Variants in ARIH2 observed in about 807,000 individuals in gnomAD.
The protein encoded by ARIH2 is E3 ubiquitin-protein ligase ARIH2.
Under a neutral mutation model 79.8 loss-of-function variants are expected in ARIH2, and 12 were observed. The observed-to-expected ratio is 0.15, with a 90% CI of 0.10 to 0.24. The LOEUF is 0.24. Among genes scored for constraint, ARIH2 ranks in the 10% least tolerant of loss-of-function variants. The pLI is 1.00. For missense variants in ARIH2, 301 were observed against 618.3 expected (o/e 0.49, Z 5.44); for synonymous variants, 224 against 213.9 (o/e 1.05, Z -0.41).
At chr3:48,919,491 G>A in intron 1 of ARIH2, 1 of 232,980 alleles carries the variant, frequency 4.3e-6, no homozygotes, top group Non-Finnish European at 8.3e-6. Flanking sequence ...GCCAGAAGCT[G>A]GTTGGGCAGC....
intron 3 of ARIH2, among the ~76,000 whole-genome samples, chr3:48,956,163 G>T (rs1438652273): frequency 2.0e-5 from 3 of 151,002 alleles, no homozygotes; most frequent in Non-Finnish European, 4.4e-5. Flanking sequence ...TTTTGAGACG[G>T]AGTCTCACTC....
rs779045756 is a variant in ARIH2 at position 48,927,546 on chromosome 3, G to T, written c.-13G>T. The T allele has an allele frequency of 2.5e-6, 4 of 1,611,166 alleles. No homozygotes were observed. The highest frequency in any genetic ancestry group is 3.4e-6 in the Non-Finnish European group (4 of 1,178,782). Reference sequence around the variant, plus strand: ...AACTGCTTTCCTGATCTGCAACTTGGCTGGATGCTAAGATGTCAGTGGACA... The same window carrying T: ...AACTGCTTTCCTGATCTGCAACTTGTCTGGATGCTAAGATGTCAGTGGACA... On this transcript the variant is annotated 5_prime_UTR_variant, in exon 3 of 16. Coordinates refer to ENST00000356401, the MANE Select transcript of ARIH2 (RefSeq NM_006321.4).
At chr3:48,926,938 C>T (rs1226876058) in intron 2 of ARIH2, 1 of 152,614 alleles carries the variant, frequency 6.6e-6, no homozygotes, top group Admixed American at 6.5e-5. Flanking sequence ...TTTTCTTTAC[C>T]AACTATGCAC....
intron 8 of ARIH2, among the ~76,000 whole-genome samples, chr3:48,972,465 G>A (rs2092290159): frequency 6.6e-6 from 1 of 152,072 alleles, no homozygotes; most frequent in Non-Finnish European, 1.5e-5. Context: ...CCAACATGGT[G>A]AAATCATGTC....
At position 48,983,184 on chromosome 3, in the gene ARIH2, G is replaced by T. The variant is rs1009227590; in HGVS notation, c.1411-15G>T. 1.2e-6 allele frequency: 2 copies of T among 1,614,246 alleles called. No homozygotes were observed. Among genetic ancestry groups the T allele is most frequent in the African/African-American group, 2.7e-5 (2 of 75,068 alleles). On this transcript the variant is annotated splice_polypyrimidine_tract_variant and intron_variant, in intron 15 of 15. Transcript: ENST00000356401. ...CCTGGGCCATGCAAGCACACACCTT[G>T]TTTCTCTGATGCAGGACTTGGAGAA... is the stretch of plus-strand genomic sequence containing the variant.
Position 48,918,859 on chromosome 3 carries a change from T to A in ARIH2, c.-301T>A. The A allele has an allele frequency of 1.2e-6, 2 of 1,610,886 alleles. No homozygotes were observed. Among genetic ancestry groups the A allele is most frequent in the Non-Finnish European group, 1.7e-6 (2 of 1,179,642 alleles). On this transcript the variant is annotated 5_prime_UTR_variant, in exon 1 of 16. Transcript: ENST00000356401. ...GCACTTCCGGAGCTGTGGGGACGAC[T>A]CTTCTGGAGGAAGCAGCGCGGGCTT...
intron 3 of ARIH2, among the ~76,000 whole-genome samples, chr3:48,942,176 A>G (rs1409290627): frequency 1.3e-5 from 2 of 149,630 alleles, no homozygotes; most frequent in Non-Finnish European, 3.0e-5. Flanking sequence ...TCAGCCTCCT[A>G]AATAGCTGGG....
Position 48,985,017 on chromosome 3 carries a change from T to C in ARIH2, c.*1747T>C, listed in dbSNP as rs2092867939. The C allele has an allele frequency of 6.6e-6, 1 of 152,262 alleles. No individual in the cohort carries two copies. The highest frequency in any genetic ancestry group is 1.5e-5 in the Non-Finnish European group (1 of 68,100). 9.4% of individuals were successfully genotyped at this position (152,262 alleles called of 1,614,324 possible). On this transcript the variant is annotated 3_prime_UTR_variant, in exon 16 of 16. Coordinates refer to ENST00000356401, the MANE Select transcript of ARIH2 (RefSeq NM_006321.4). ...GAATGGAACAGTGGGGAGCTAACTG[T>C]GAATGAGGAGAGTACCTGCTGCAGG... is the stretch of plus-strand genomic sequence containing the variant.
rs1341424572 is a variant in ARIH2 at position 48,927,807 on chromosome 3, C to G, written c.249C>G (p.Val83=). The stretch of plus-strand genomic sequence containing the variant: ...AGCACATGACCAGCTTAGCTTCTGT[C>G]CTAAAGGTGAGCAGTGTTGTAAACT... ...LNEHMTSLAS[V]LKVSHSVAKL... Residue 83 remains valine, a synonymous_variant, in exon 3 of 16, where the codon GTC becomes GTG. Coordinates refer to ENST00000356401, the MANE Select transcript of ARIH2 (RefSeq NM_006321.4). The G allele has an allele frequency of 4.3e-6, 7 of 1,613,828 alleles. No homozygotes were observed. The highest frequency in any genetic ancestry group is 5.9e-6 in the Non-Finnish European group (7 of 1,179,934).
chr3:48,933,235 GGTGTGTGTGTGTGTGTGTGTGTGTGT>G (rs57911300), intron 3 of ARIH2, among the ~76,000 whole-genome samples: 51 of 134,410 alleles, frequency 3.8e-4, no homozygotes, highest in African/African-American at 1.3e-3. Flanking sequence ...CACATGCCCG[GGTGTGTGTGTGTGTGTGTGTGTGTGT>G]GTGTGTGTGT....
At position 48,924,387 on chromosome 3, in the gene ARIH2, A is replaced by T. The variant is rs1049670072; in HGVS notation, c.-98+1576A>T. 2.0e-5 allele frequency among the ~76,000 whole-genome samples: 3 copies of T among 151,858 alleles called. No homozygotes were observed. The East Asian group carries it at 5.8e-4, about 29-fold the overall frequency. On this transcript the variant is annotated intron_variant, in intron 2 of 15. Transcript: ENST00000356401. ...TTATTATTATTATTTTTGGAGACAG[A>T]ATCTCTCTGTTGCCTAGGCTGGAGT... is the stretch of plus-strand genomic sequence containing the variant.
intron 3 of ARIH2, among the ~76,000 whole-genome samples, chr3:48,955,102 G>A (rs755364999): frequency 6.6e-6 from 1 of 152,194 alleles, no homozygotes; most frequent in Non-Finnish European, 1.5e-5. Context: ...GGAGGCTGAG[G>A]CAGGAGAATC....
rs983775946 is a variant in ARIH2 at position 48,919,048 on chromosome 3, G to T, written c.-162+50G>T. 31 of 1,330,282 alleles carry T rather than the reference G, an allele frequency of 2.3e-5. 1 individual carries two copies. Among genetic ancestry groups the T allele is most frequent in the Middle Eastern group, 2.7e-4 (1 of 3,754 alleles). 82.4% of individuals were successfully genotyped at this position (1,330,282 alleles called of 1,614,324 possible). On this transcript the variant is annotated intron_variant, in intron 1 of 15. Coordinates refer to ENST00000356401, the MANE Select transcript of ARIH2 (RefSeq NM_006321.4). The stretch of plus-strand genomic sequence containing the variant: ...CCTTGTTTACCTTGGCTGGCCGCTG[G>T]GGGGGCCTCTCCGCGCGCCTCCCTG...
chr3:48,945,445 A>G (rs1190760270), intron 3 of ARIH2, among the ~76,000 whole-genome samples: 1 of 152,242 alleles, frequency 6.6e-6, no homozygotes, highest in South Asian at 2.1e-4. Context: ...TATTTTGAGT[A>G]ATAAACATGT....
At chr3:48,974,600 A>T (rs2092409978) in intron 9 of ARIH2, 3 of 598,510 alleles carry the variant, frequency 5.0e-6, no homozygotes, top group South Asian at 3.9e-5. Flanking sequence ...AGTGGGGTTC[A>T]GCTGGTGCTT....
At chr3:48,921,597 C>G (rs2084838077) in intron 1 of ARIH2, 1 of 151,254 alleles carries the variant, frequency 6.6e-6, no homozygotes, top group Admixed American at 6.6e-5. Context: ...CCATTCCTGG[C>G]TAATTTTTGT....
intron 3 of ARIH2, among the ~76,000 whole-genome samples, chr3:48,948,825 CTT>C (rs1187622930): frequency 6.6e-6 from 1 of 152,142 alleles, no homozygotes; most frequent in Non-Finnish European, 1.5e-5. Context: ...TTACCTGGTT[CTT>C]TCTCTTAGCA....
At chr3:48,969,797 T>C (rs1221178003) in intron 7 of ARIH2, among the ~76,000 whole-genome samples, 5 of 152,150 alleles carry the variant, frequency 3.3e-5, no homozygotes, top group African/African-American at 1.2e-4. Context: ...ATTTATGGTC[T>C]GGGTCTTGTC....
At chr3:48,964,258 C>T (rs552046270) in intron 4 of ARIH2, among the ~76,000 whole-genome samples, 8 of 151,880 alleles carry the variant, frequency 5.3e-5, no homozygotes, top group Admixed American at 3.3e-4. Context: ...TTACCCACCT[C>T]GGCCTCCCAA....
Sources: allele counts gnomAD v4.1 joint callset (sites outside exome capture counted in the v4.1 genomes callset), GRCh38; gene constraint gnomAD v4.1.1; transcripts MANE v1.5; gene names NCBI Gene and HGNC (gene_info 2026-07-23, HGNC 2026-07-21).